JADE3: variants seen among roughly 807,000 people sequenced by gnomAD.
The protein encoded by JADE3 is protein Jade-3.
Under a neutral mutation model 50.1 loss-of-function variants are expected in JADE3, and 2 were observed. The ratio of observed to expected loss-of-function variants is 0.04; its 90% CI spans 0.02 to 0.13. The LOEUF (loss-of-function observed/expected upper bound fraction) is 0.13, where lower values mean the gene tolerates loss of function less well. Ranked by LOEUF, JADE3 falls within the 10% of genes least tolerant of loss-of-function variation. The pLI, the probability that JADE3 is intolerant of heterozygous loss-of-function variation, is 1.00. For synonymous variants in JADE3, 218 were observed against 232.9 expected (o/e 0.94, Z 0.58); for missense variants, 475 against 634.4 (o/e 0.75, Z 2.70).
At chrX:46,957,749 T>G (rs1253148709) in intron 1 of JADE3, among the ~76,000 whole-genome samples, 2 of 112,310 alleles carry the variant, frequency 1.8e-5, no homozygotes, top group African/African-American at 6.5e-5. Flanking sequence ...TTGGCAAACT[T>G]AGTCTATCCT....
At chrX:47,026,164 T>C (rs1556365470) in intron 5 of JADE3, among the ~76,000 whole-genome samples, 1 of 111,861 alleles carries the variant, frequency 8.9e-6, no homozygotes, top group Admixed American at 9.5e-5. Context: ...GATTCATGGC[T>C]CAATGTGCGC....
intron 1 of JADE3, among the ~76,000 whole-genome samples, chrX:46,961,708 G>A (rs1384163250): frequency 9.0e-5 from 10 of 111,480 alleles, no homozygotes; most frequent in Non-Finnish European, 1.9e-4. Context: ...TTTGAAGGAG[G>A]GAAACATCCT....
intron 1 of JADE3, among the ~76,000 whole-genome samples, chrX:46,963,723 TGCA>T (rs2147121505): frequency 9.0e-6 from 1 of 111,649 alleles, no homozygotes; most frequent in South Asian, 3.8e-4. Context: ...TCTCTCATCC[TGCA>T]GCAGGCTAGC....
At chrX:46,942,343 G>A (rs1398807094) in intron 1 of JADE3, among the ~76,000 whole-genome samples, 1 of 111,699 alleles carries the variant, frequency 9.0e-6, no homozygotes, top group African/African-American at 3.3e-5. Flanking sequence ...TATAGTTTGA[G>A]GTCTTACATT....
chrX:46,991,057 CCTCA>C (rs1556355794), intron 3 of JADE3, among the ~76,000 whole-genome samples: 1 of 10,484 alleles, frequency 9.5e-5, no homozygotes, highest in African/African-American at 2.5e-4. Flanking sequence ...TCCCTCCCTC[CCTCA>C]CTCCCTCCCT....
chrX:47,045,608 C>T, intron 8 of JADE3, among the ~76,000 whole-genome samples: 1 of 112,403 alleles, frequency 8.9e-6, no homozygotes, highest in Non-Finnish European at 1.9e-5. Flanking sequence ...TTCTCCTCAG[C>T]ACATGGAGTA....
At position 46,913,424 on chromosome X, in the gene JADE3, G is replaced by C. The variant is rs373498404; in HGVS notation, c.-12+705G>C. 5.2e-3 allele frequency among the ~76,000 whole-genome samples: 581 copies of C among 111,166 alleles called. 2 individuals carry two copies. Among genetic ancestry groups the C allele is most frequent in the South Asian group, 0.024 (64 of 2,631 alleles). On this transcript the variant is annotated intron_variant, in intron 1 of 10. Transcript: ENST00000614628. ...GTGGCCGCCGAGCGTCGGGCGGTCCGGGGGTGGGAAAATCGTGAGGGCTTT... is the reference window on the plus strand; with the variant it reads ...GTGGCCGCCGAGCGTCGGGCGGTCCCGGGGTGGGAAAATCGTGAGGGCTTT...
intron 8 of JADE3, among the ~76,000 whole-genome samples, chrX:47,041,413 C>T (rs1556369629): frequency 9.0e-6 from 1 of 110,578 alleles, no homozygotes; most frequent in Non-Finnish European, 1.9e-5. Context: ...TGTTGTGGGA[C>T]AGGGTCTCAC....
intron 4 of JADE3, among the ~76,000 whole-genome samples, chrX:47,013,702 G>A (rs138012277): frequency 3.3e-3 from 366 of 111,208 alleles, no homozygotes; most frequent in Non-Finnish European, 4.9e-3. Flanking sequence ...AAACAGGACC[G>A]TAAGGTGGAT....
chrX:46,970,917 T>C (rs1927468348), intron 1 of JADE3, among the ~76,000 whole-genome samples: 1 of 110,994 alleles, frequency 9.0e-6, no homozygotes, highest in Non-Finnish European at 1.9e-5. Flanking sequence ...GGAAATCGTT[T>C]TTTTAAATCG....
At chrX:46,913,777 G>T (rs1351891633) in intron 1 of JADE3, among the ~76,000 whole-genome samples, 1 of 110,027 alleles carries the variant, frequency 9.1e-6, no homozygotes, top group African/African-American at 3.3e-5. Flanking sequence ...AGTTTTTATC[G>T]CTGTGCGGCC....
At chrX:46,963,727 G>T (rs782426908) in intron 1 of JADE3, among the ~76,000 whole-genome samples, 2 of 111,530 alleles carry the variant, frequency 1.8e-5, no homozygotes, top group East Asian at 5.6e-4. Context: ...TCATCCTGCA[G>T]CAGGCTAGCC....
intron 8 of JADE3, among the ~76,000 whole-genome samples, chrX:47,043,694 C>T (rs905421863): frequency 3.7e-5 from 4 of 109,511 alleles, no homozygotes; most frequent in Non-Finnish European, 7.6e-5. Context: ...TGGTGGGCGC[C>T]TGTAGTCCCA....
chrX:47,045,030 A>G (rs1556370395), intron 8 of JADE3, among the ~76,000 whole-genome samples: 1 of 111,859 alleles, frequency 8.9e-6, no homozygotes, highest in African/African-American at 3.2e-5. Context: ...AAGGAAGAAA[A>G]GACCACAAGA....
At chrX:46,931,897 T>G (rs1249154022) in intron 1 of JADE3, among the ~76,000 whole-genome samples, 2 of 111,921 alleles carry the variant, frequency 1.8e-5, no homozygotes, top group African/African-American at 6.5e-5. Flanking sequence ...CCTTCTTCCT[T>G]GTATACCAAT....
At chrX:46,924,965 G>T (rs1182030081) in intron 1 of JADE3, among the ~76,000 whole-genome samples, 3 of 111,943 alleles carry the variant, frequency 2.7e-5, no homozygotes, top group Non-Finnish European at 5.6e-5. Flanking sequence ...TGTACTATGA[G>T]TGAGGCACTA....
chrX:46,924,391 A>T (rs782542110), intron 1 of JADE3, among the ~76,000 whole-genome samples: 1 of 112,241 alleles, frequency 8.9e-6, no homozygotes, highest in East Asian at 2.8e-4. Context: ...GGGTATGAGT[A>T]TTTCCATATA....
chrX:46,937,881 G>A (rs1203899566), intron 1 of JADE3, among the ~76,000 whole-genome samples: 1 of 111,629 alleles, frequency 9.0e-6, no homozygotes, highest in Admixed American at 9.5e-5. Flanking sequence ...CTTGGGAGCT[G>A]AGGCAGGAGA....
intron 4 of JADE3, among the ~76,000 whole-genome samples, chrX:47,018,333 C>A (rs1016699178): frequency 1.8e-5 from 2 of 110,167 alleles, no homozygotes; most frequent in Non-Finnish European, 3.8e-5. Context: ...ATGTACAGAG[C>A]ACTTTCTTTT....
Sources: gnomAD v4.1 joint callset for allele counts (sites outside exome capture counted in the v4.1 genomes callset) on GRCh38, gnomAD v4.1.1 for gene constraint, MANE v1.5 for transcripts, NCBI Gene and HGNC (gene_info 2026-07-23, HGNC 2026-07-21) for gene names.